The following DERA variants were observed in gnomAD, a reference collection of about 807,000 sequenced individuals.
The protein encoded by DERA is deoxyribose-phosphate aldolase.
A neutral mutation model predicts 41.1 loss-of-function variants in DERA; 15 were observed. The observed-to-expected ratio is 0.37, with a 90% confidence interval of 0.24 to 0.56. DERA has a LOEUF of 0.56. Among genes scored for constraint, DERA ranks in the 20% least tolerant of loss-of-function variants. The pLI is 0.81. For synonymous variants in DERA, 139 were observed against 137.4 expected (o/e 1.01, Z -0.08); for missense variants, 396 against 403.4 (o/e 0.98, Z 0.16).
At position 16,003,308 on chromosome 12, in the gene DERA, C is replaced by A. The variant is rs902409640; in HGVS notation, c.637+20872C>A. ...AGTAGGAGCCTACCGTACTCCATTG[C>A]GACCTCATATTGACTAATTATATCT... On this transcript the variant is annotated intron_variant, in intron 6 of 8. Coordinates refer to ENST00000428559, the MANE Select transcript of DERA (RefSeq NM_015954.4). This position sits in a 1 kb window ranked among gnomAD's most constrained non-coding sequence, Gnocchi z 4.8. 6.6e-6 allele frequency among the ~76,000 whole-genome samples: 1 copy of A among 152,140 alleles called. No individual in the cohort carries two copies. Among genetic ancestry groups the A allele is most frequent in the Non-Finnish European group, 1.5e-5 (1 of 68,030 alleles).
rs1948626923 is a variant in DERA, at chr12:15,966,883, A to G, written c.508+3936A>G. Among the ~76,000 whole-genome samples the G allele has an allele frequency of 6.6e-6, 1 of 152,102 alleles. No individual in the cohort carries two copies. The highest frequency in any genetic ancestry group is 2.4e-5 in the African/African-American group (1 of 41,418). ...TTCAGTTACATTCCTTATGGCAAAG[A>G]CAACCAAACCTCCTGAGCACCAGGA... On this transcript the variant is annotated intron_variant, in intron 5 of 8. Transcript: ENST00000428559. This position sits in a 1 kb window ranked among gnomAD's most constrained non-coding sequence, Gnocchi z 5.1.
chr12:16,032,019 CTT>C (rs1949095814), intron 6 of DERA, among the ~76,000 whole-genome samples: 1 of 152,128 alleles, frequency 6.6e-6, no homozygotes, highest in Non-Finnish European at 1.5e-5. Flanking sequence ...AGCGTGGTCT[CTT>C]TCATGGAAAT....
intron 1 of DERA, among the ~76,000 whole-genome samples, chr12:15,927,044 C>T (rs1948291915): frequency 6.6e-6 from 1 of 152,208 alleles, no homozygotes; most frequent in African/African-American, 2.4e-5. Context: ...AGTACATAAA[C>T]TATCTGCTAT....
chr12:15,952,118 C>G lies in DERA; in HGVS notation c.32-4818C>G, dbSNP rs12229359. ...GTTTCACCATATTGACCAGGCTGGT[C>G]TCGAACTCCTGACCTCGTGATCCGC... On this transcript the variant is annotated intron_variant, in intron 1 of 8. Coordinates refer to ENST00000428559, the MANE Select transcript of DERA (RefSeq NM_015954.4). Among the ~76,000 whole-genome samples the G allele has an allele frequency of 1.7e-3, 261 of 152,294 alleles. 8 individuals carry two copies. In the East Asian group the frequency reaches 0.041, roughly 24 times the overall value.
In DERA at chr12:16,036,902, A is replaced by G. The variant is rs767531414; in HGVS notation, c.*156A>G. 39 of 621,264 alleles carry G rather than the reference A, an allele frequency of 6.3e-5. No homozygotes were observed. Among genetic ancestry groups the G allele is most frequent in the Non-Finnish European group, 1.0e-4 (37 of 352,746 alleles). 38.5% of individuals were successfully genotyped at this position (621,264 alleles called of 1,614,324 possible). On this transcript the variant is annotated 3_prime_UTR_variant, in exon 9 of 9. Transcript: ENST00000428559. The surrounding 1 kb of genome is among the most constrained non-coding windows in gnomAD (Gnocchi z 4.9). Reference sequence around the variant, plus strand: ...CGAACTTAATGGAATGGAAAAAGCAAACTCATCCACATGTGGTACTCATTT... The same window carrying G: ...CGAACTTAATGGAATGGAAAAAGCAGACTCATCCACATGTGGTACTCATTT...
rs1267079949 is a variant in DERA at position 15,981,407 on chromosome 12, AG to A, written c.509-899del. The stretch of plus-strand genomic sequence containing the variant: ...TCCTATGAAAGATACTCAAATACAA[AG>A]GAAAGAAAAAGCCTTGGTCTTGTTA... On this transcript the variant is annotated intron_variant, in intron 5 of 8. Transcript: ENST00000428559. The surrounding 1 kb of genome is among the most constrained non-coding windows in gnomAD (Gnocchi z 6.1). 6.6e-6 allele frequency among the ~76,000 whole-genome samples: 1 copy of A among 152,184 alleles called. No individual in the cohort carries two copies. The highest frequency in any genetic ancestry group is 1.5e-5 in the Non-Finnish European group (1 of 68,030).
At chr12:16,027,765 G>A (rs1949062581) in intron 6 of DERA, among the ~76,000 whole-genome samples, 1 of 152,112 alleles carries the variant, frequency 6.6e-6, no homozygotes, top group South Asian at 2.1e-4. Flanking sequence ...ACAACAATAA[G>A]AAACAGGTAT....
intron 1 of DERA, among the ~76,000 whole-genome samples, chr12:15,948,651 C>G (rs1031201155): frequency 2.6e-5 from 4 of 152,202 alleles, no homozygotes; most frequent in Admixed American, 6.5e-5. Context: ...CGAACTTCCT[C>G]TTTTAGCTCG....
At chr12:16,007,189 G>GTTT (rs11287161) in intron 6 of DERA, among the ~76,000 whole-genome samples, 3 of 105,012 alleles carry the variant, frequency 2.9e-5, no homozygotes, top group Admixed American at 1.9e-4. Flanking sequence ...TTTTTTTTTT[G>GTTT]TTTTTTTTTT....
intron 6 of DERA, among the ~76,000 whole-genome samples, chr12:16,002,012 T>C (rs1034654596): frequency 2.6e-5 from 4 of 152,114 alleles, no homozygotes; most frequent in Non-Finnish European, 4.4e-5. Flanking sequence ...GCTTTAAGTT[T>C]TAGGGTACAT....
Position 16,003,105 on chromosome 12 carries a change from A to G in DERA, c.637+20669A>G, listed in dbSNP as rs7971685. On this transcript the variant is annotated intron_variant, in intron 6 of 8. Transcript: ENST00000428559. The surrounding 1 kb of genome is among the most constrained non-coding windows in gnomAD (Gnocchi z 4.8). ...GTTAGTTCCTTCTGAGGGCTATGAG[A>G]AAGAATCTGTTTTGTGGCTCTCCCC... 0.086 allele frequency among the ~76,000 whole-genome samples: 13,027 copies of G among 152,122 alleles called. 1,663 individuals are homozygous for G. The highest frequency in any genetic ancestry group is 0.27 in the African/African-American group (11,295 of 41,462).
chr12:16,028,283 A>G (rs149544950), intron 6 of DERA, among the ~76,000 whole-genome samples: 3 of 152,356 alleles, frequency 2.0e-5, no homozygotes, highest in African/African-American at 7.2e-5. Flanking sequence ...AAAGGCATAC[A>G]GGAAGCAACT....
intron 1 of DERA, among the ~76,000 whole-genome samples, chr12:15,955,512 A>G (rs1311107197): frequency 6.6e-6 from 1 of 152,194 alleles, no homozygotes; most frequent in Non-Finnish European, 1.5e-5. Context: ...CAAGCAAGAA[A>G]ACATACAATA....
At position 15,965,562 on chromosome 12, in the gene DERA, A is replaced by G. The variant is rs978297534; in HGVS notation, c.508+2615A>G. ...CTGGCCCTTCAGAGTGGTCTTAACC[A>G]TTTCTCATGGATGTGAGAGTCCACA... On this transcript the variant is annotated intron_variant, in intron 5 of 8. Coordinates refer to ENST00000428559, the MANE Select transcript of DERA (RefSeq NM_015954.4). This position sits in a 1 kb window ranked among gnomAD's most constrained non-coding sequence, Gnocchi z 4.1. Among the ~76,000 whole-genome samples the G allele has an allele frequency of 6.6e-6, 1 of 151,986 alleles. No individual in the cohort carries two copies.
rs1035407112 is a variant in DERA at position 15,984,168 on chromosome 12, G to T, written c.637+1732G>T. On this transcript the variant is annotated intron_variant, in intron 6 of 8. Coordinates refer to ENST00000428559, the MANE Select transcript of DERA (RefSeq NM_015954.4). This position sits in a 1 kb window ranked among gnomAD's most constrained non-coding sequence, Gnocchi z 4.5. ...CACATGGAGCTGAGATACTCCTCAGGGTCACATCGGAGCCAATCTTGTGAT... is the reference window on the plus strand; with the variant it reads ...CACATGGAGCTGAGATACTCCTCAGTGTCACATCGGAGCCAATCTTGTGAT... Among the ~76,000 whole-genome samples, 1 of 152,074 alleles carries T rather than the reference G, an allele frequency of 6.6e-6. No individual in the cohort carries two copies. The highest frequency in any genetic ancestry group is 2.4e-5 in the African/African-American group (1 of 41,416).
chr12:16,024,748 T>C (rs141335450), intron 6 of DERA, among the ~76,000 whole-genome samples: 2 of 152,168 alleles, frequency 1.3e-5, no homozygotes, highest in African/African-American at 2.4e-5. Context: ...AAAACTTATA[T>C]AGATCAGAAG....
At position 15,936,884 on chromosome 12, in the gene DERA, T is replaced by TC. The variant is rs1296134187; in HGVS notation, c.32-20051dup. 0.013 allele frequency among the ~76,000 whole-genome samples: 1,806 copies of TC among 139,194 alleles called. 41 individuals are homozygous for TC. The highest frequency in any genetic ancestry group is 0.054 in the African/African-American group (1,735 of 32,118). 91.3% of individuals were successfully genotyped at this position (139,194 alleles called of 152,430 possible). On this transcript the variant is annotated intron_variant, in intron 1 of 8. Transcript: ENST00000428559. The surrounding 1 kb of genome is among the most constrained non-coding windows in gnomAD (Gnocchi z 4.6). ...TCTTGTCTTGTCTTGTCTTGTCTTG[T>TC]CTTGTCCTGTCCTGTCCTGTCCTGT...
chr12:15,927,169 G>T (rs533928419), intron 1 of DERA, among the ~76,000 whole-genome samples: 5 of 152,126 alleles, frequency 3.3e-5, no homozygotes, highest in South Asian at 2.1e-4. Flanking sequence ...CATGAAGATG[G>T]TAATACATAT....
chr12:16,027,550 T>C (rs1239460870), intron 6 of DERA, among the ~76,000 whole-genome samples: 1 of 152,188 alleles, frequency 6.6e-6, no homozygotes, highest in Non-Finnish European at 1.5e-5. Flanking sequence ...AACAAAAGAC[T>C]GTATGAAGAC....
Sources: gnomAD v4.1 joint callset for allele counts (sites outside exome capture counted in the v4.1 genomes callset) on GRCh38, gnomAD v4.1.1 for gene constraint, Gnocchi (gnomAD v3.1) non-coding constraint, MANE v1.5 for transcripts, NCBI Gene and HGNC (gene_info 2026-07-23, HGNC 2026-07-21) for gene names.